Variants in DLG2 observed in about 807,000 individuals in gnomAD.
DLG2 encodes disks large homolog 2.
A neutral mutation model predicts 132.5 loss-of-function variants in DLG2; 45 were observed. The observed-to-expected ratio is 0.34, with a 90% confidence interval of 0.27 to 0.44. The LOEUF (loss-of-function observed/expected upper bound fraction) is 0.44, where lower values mean the gene tolerates loss of function less well. Among genes scored for constraint, DLG2 ranks in the 20% least tolerant of loss-of-function variants. DLG2 has a pLI of 1.00. For synonymous variants in DLG2, 424 were observed against 419.6 expected (o/e 1.01, Z -0.13); for missense variants, 1,045 against 1,196.9 (o/e 0.87, Z 1.87).
chr11:84,012,112 T>A (rs1487971961), intron 11 of DLG2, among the ~76,000 whole-genome samples: 1 of 152,148 alleles, frequency 6.6e-6, no homozygotes, highest in Non-Finnish European at 1.5e-5. Context: ...AATGGATAGT[T>A]CGCTTGCTTT....
chr11:84,676,773 T>C (rs756478882), intron 6 of DLG2, among the ~76,000 whole-genome samples: 2 of 152,046 alleles, frequency 1.3e-5, no homozygotes, highest in Non-Finnish European at 2.9e-5. Flanking sequence ...TAGCAAATCA[T>C]TACTTAATTA....
chr11:83,589,768 TA>T (rs2097155392), intron 19 of DLG2, among the ~76,000 whole-genome samples: 1 of 149,862 alleles, frequency 6.7e-6, no homozygotes, highest in Non-Finnish European at 1.5e-5. Context: ...GAGACACACA[TA>T]GGCTCAAAAT....
intron 3 of DLG2, among the ~76,000 whole-genome samples, chr11:85,439,508 C>T (rs150700238): frequency 0.024 from 3,618 of 152,006 alleles, 143 homozygotes; most frequent in African/African-American, 0.082. Flanking sequence ...TACAGGCACC[C>T]ACCACCACAC....
chr11:84,670,726 G>T (rs2099704908), intron 6 of DLG2, among the ~76,000 whole-genome samples: 1 of 152,076 alleles, frequency 6.6e-6, no homozygotes, highest in African/African-American at 2.4e-5. Flanking sequence ...TGACTGAGTG[G>T]GTAGAGCCAA....
chr11:85,394,189 G>C (rs548886608), intron 3 of DLG2, among the ~76,000 whole-genome samples: 1 of 152,146 alleles, frequency 6.6e-6, no homozygotes, highest in South Asian at 2.1e-4. Flanking sequence ...GTATATACTT[G>C]AAGATATTTT....
intron 7 of DLG2, among the ~76,000 whole-genome samples, chr11:84,268,462 T>C (rs1248869234): frequency 3.3e-3 from 91 of 27,206 alleles, no homozygotes; most frequent in African/African-American, 9.8e-3. Context: ...CTTCACCTCT[T>C]TTTTTTTTTT....
At chr11:85,384,063 G>T (rs557192202) in intron 3 of DLG2, among the ~76,000 whole-genome samples, 2 of 152,126 alleles carry the variant, frequency 1.3e-5, no homozygotes, top group African/African-American at 4.8e-5. Context: ...ATCTTTCCTA[G>T]GATACTTTTT....
At chr11:85,132,957 T>C (rs2075846198) in intron 5 of DLG2, 1 of 384,908 alleles carries the variant, frequency 2.6e-6, no homozygotes, top group Non-Finnish European at 5.2e-6. Flanking sequence ...CGAGCCCTCC[T>C]CCATACAGCT....
At chr11:83,991,692 G>A (rs1156682189) in intron 11 of DLG2, among the ~76,000 whole-genome samples, 3 of 151,988 alleles carry the variant, frequency 2.0e-5, no homozygotes, top group African/African-American at 4.8e-5. Flanking sequence ...ACACTGATCT[G>A]TAGTTCCACC....
chr11:84,744,708 T>G (rs2065126965), intron 6 of DLG2, among the ~76,000 whole-genome samples: 1 of 152,112 alleles, frequency 6.6e-6, no homozygotes, highest in South Asian at 2.1e-4. Context: ...ACATGGAGTT[T>G]CTCAGAAAGC....
At chr11:85,525,169 A>G (rs1298566902) in intron 3 of DLG2, 1 of 152,250 alleles carries the variant, frequency 6.6e-6, no homozygotes, top group African/African-American at 2.4e-5. Context: ...AATAAAATTT[A>G]AAATCCTTTG....
intron 3 of DLG2, among the ~76,000 whole-genome samples, chr11:85,582,472 T>C (rs2078591025): frequency 6.6e-6 from 1 of 151,570 alleles, no homozygotes; most frequent in Non-Finnish European, 1.5e-5. Context: ...AACTACATAA[T>C]CCACAAAGAC....
intron 7 of DLG2, among the ~76,000 whole-genome samples, chr11:84,508,745 A>G (rs1051631267): frequency 6.6e-6 from 1 of 152,132 alleles, no homozygotes; most frequent in African/African-American, 2.4e-5. Flanking sequence ...AGCACTTACC[A>G]TCATCTGACA....
intron 6 of DLG2, among the ~76,000 whole-genome samples, chr11:85,037,245 A>G (rs1189840651): frequency 6.6e-6 from 1 of 152,194 alleles, no homozygotes; most frequent in East Asian, 1.9e-4. Context: ...CACAGTCTCC[A>G]GAATCTTGAT....
chr11:85,143,312 A>G (rs1288249535), intron 5 of DLG2, among the ~76,000 whole-genome samples: 1 of 151,398 alleles, frequency 6.6e-6, no homozygotes, highest in Non-Finnish European at 1.5e-5. Flanking sequence ...TTTATTCTAG[A>G]TTTTCCAATT....
intron 8 of DLG2, among the ~76,000 whole-genome samples, chr11:84,232,946 C>T (rs1387803375): frequency 1.3e-5 from 2 of 152,086 alleles, no homozygotes; most frequent in African/African-American, 4.8e-5. Context: ...CAGAAAATAA[C>T]CATTTAGGTG....
chr11:84,183,441 T>C (rs2096195432), intron 8 of DLG2, among the ~76,000 whole-genome samples: 1 of 152,140 alleles, frequency 6.6e-6, no homozygotes, highest in Non-Finnish European at 1.5e-5. Context: ...GTACTTTCCA[T>C]TTAGTTATGC....
At chr11:84,612,579 AAG>A (rs2154537930) in intron 6 of DLG2, among the ~76,000 whole-genome samples, 1 of 152,328 alleles carries the variant, frequency 6.6e-6, no homozygotes, top group African/African-American at 2.4e-5. Context: ...AAATGAAAAT[AAG>A]AAAATACATT....
In DLG2 at chr11:84,565,809, G is replaced by A. The variant is rs556288812; in HGVS notation, c.358-31078C>T. Among the ~76,000 whole-genome samples, 12 of 152,062 alleles carry A rather than the reference G, an allele frequency of 7.9e-5. No homozygotes were observed. In the East Asian group the frequency reaches 2.1e-3, roughly 27 times the overall value. ...AAGCCTATTAAATCCTTGAAGGCAG[G>A]AGCTATATTTTAAATATCTCTATAT... On this transcript the variant is annotated intron_variant, in intron 6 of 27. Transcript: ENST00000376104.
Sources: allele counts gnomAD v4.1 joint callset (sites outside exome capture counted in the v4.1 genomes callset), GRCh38; gene constraint gnomAD v4.1.1; transcripts MANE v1.5; gene names NCBI Gene and HGNC (gene_info 2026-07-23, HGNC 2026-07-21).